NR6A1: variants seen among roughly 807,000 people sequenced by gnomAD.
NR6A1 encodes retinoic acid receptor-related testis-associated receptor.
In NR6A1, 7 loss-of-function variants were observed where a neutral mutation model predicts 59.1. That is an observed-to-expected ratio of 0.12 (90% CI 0.07 to 0.22). The LOEUF is 0.22. Ranked by LOEUF, NR6A1 falls within the 10% of genes least tolerant of loss-of-function variation. The probability of loss-of-function intolerance (pLI) is 1.00; values close to 1 mark genes in which losing one functional copy is unlikely to be tolerated. For synonymous variants in NR6A1, 243 were observed against 236.1 expected (o/e 1.03, Z -0.27); for missense variants, 468 against 611.6 (o/e 0.77, Z 2.48).
intron 2 of NR6A1, among the ~76,000 whole-genome samples, chr9:124,563,209 T>G (rs1318448034): frequency 2.0e-5 from 3 of 152,212 alleles, no homozygotes; most frequent in Admixed American, 2.0e-4. Flanking sequence ...CACAGCATCA[T>G]GTTTGGAAAA....
chr9:124,690,995 T>C (rs945991097), intron 2 of NR6A1, among the ~76,000 whole-genome samples: 9 of 152,218 alleles, frequency 5.9e-5, no homozygotes, highest in Admixed American at 5.2e-4. Context: ...AGGAATAATA[T>C]TTTGTAAGCA....
intron 2 of NR6A1, chr9:124,595,679 A>C: frequency 1.4e-6 from 1 of 733,340 alleles, no homozygotes; most frequent in Non-Finnish European, 2.1e-6. Context: ...CTTCTCCCTC[A>C]AGGCTATTTG....
chr9:124,542,837 C>T (rs1399413873), intron 4 of NR6A1, among the ~76,000 whole-genome samples: 15 of 152,182 alleles, frequency 9.9e-5, no homozygotes, highest in Admixed American at 9.8e-4. Flanking sequence ...GGATTACAGG[C>T]GTGTGCCACT....
chr9:124,564,341 C>A (rs1564180955), intron 2 of NR6A1, among the ~76,000 whole-genome samples: 1 of 152,108 alleles, frequency 6.6e-6, no homozygotes, highest in Non-Finnish European at 1.5e-5. Flanking sequence ...CAGTACTCTA[C>A]CTTTATTCAA....
chr9:124,663,196 T>C (rs149182650), intron 2 of NR6A1, among the ~76,000 whole-genome samples: 1 of 152,194 alleles, frequency 6.6e-6, no homozygotes, highest in Admixed American at 6.5e-5. Context: ...CAAGACCGAG[T>C]GCAACAAATG....
At chr9:124,674,364 C>T (rs1474104328) in intron 2 of NR6A1, among the ~76,000 whole-genome samples, 2 of 152,184 alleles carry the variant, frequency 1.3e-5, no homozygotes, top group African/African-American at 4.8e-5. Context: ...GCAATTAACG[C>T]TATGAAGCTG....
chr9:124,639,433 G>A (rs1324868524), intron 2 of NR6A1, among the ~76,000 whole-genome samples: 2 of 152,164 alleles, frequency 1.3e-5, no homozygotes, highest in African/African-American at 2.4e-5. Context: ...ACAGCATCCC[G>A]ATTTTACAAA....
intron 5 of NR6A1, 38 bp downstream of exon 5, chr9:124,539,995 T>G (rs778689627): frequency 6.4e-7 from 1 of 1,561,658 alleles, no homozygotes; most frequent in Non-Finnish European, 8.7e-7. Context: ...TGGTGGGGGA[T>G]CCCTAGATGA....
rs192190131 is a variant in NR6A1 at position 124,547,683 on chromosome 9, C to T, written c.386-3826G>A. On this transcript the variant is annotated intron_variant, in intron 3 of 9. Coordinates refer to ENST00000487099, the MANE Select transcript of NR6A1 (RefSeq NM_033334.4). ...CAACATCATTTCTATGGCATTCTTG[C>T]GAAAAATGCATAACCTGCATGTATT... Among the ~76,000 whole-genome samples, 12 of 152,082 alleles carry T rather than the reference C, an allele frequency of 7.9e-5. No individual in the cohort carries two copies. The East Asian group carries it at 1.7e-3, about 22-fold the overall frequency.
chr9:124,573,450 C>G (rs965397183), intron 2 of NR6A1, among the ~76,000 whole-genome samples: 1 of 152,222 alleles, frequency 6.6e-6, no homozygotes, highest in African/African-American at 2.4e-5. Context: ...TTTCTGCCTA[C>G]TAGACCTAAC....
At chr9:124,539,526 T>C (rs543896411) in intron 5 of NR6A1, among the ~76,000 whole-genome samples, 41 of 152,344 alleles carry the variant, frequency 2.7e-4, no homozygotes, top group African/African-American at 7.9e-4. Context: ...GAAGGATCTA[T>C]TTCACACTCG....
At chr9:124,532,722 C>T (rs1211722746) in intron 7 of NR6A1, among the ~76,000 whole-genome samples, 1 of 152,230 alleles carries the variant, frequency 6.6e-6, no homozygotes, top group Non-Finnish European at 1.5e-5. Flanking sequence ...GTTCTAAAGA[C>T]AGCAACGCTC....
chr9:124,546,264 A>G (rs1449444720), intron 3 of NR6A1, among the ~76,000 whole-genome samples: 1 of 152,234 alleles, frequency 6.6e-6, no homozygotes, highest in Non-Finnish European at 1.5e-5. Context: ...AGATGGATCT[A>G]AGGCTCACAG....
At chr9:124,646,263 T>C (rs1836925156) in intron 2 of NR6A1, among the ~76,000 whole-genome samples, 1 of 151,684 alleles carries the variant, frequency 6.6e-6, no homozygotes, top group Non-Finnish European at 1.5e-5. Context: ...CAGAAATCGA[T>C]GAAATTAAGA....
At chr9:124,742,119 TG>T (rs1840187214) in intron 1 of NR6A1, among the ~76,000 whole-genome samples, 3 of 152,210 alleles carry the variant, frequency 2.0e-5, no homozygotes, top group African/African-American at 4.8e-5. Context: ...CTGTCATACA[TG>T]AAGAGTTTTT....
rs1174594913 is a variant in NR6A1 at position 124,647,719 on chromosome 9, C to T, written c.142+85589G>A. 7.3e-5 allele frequency among the ~76,000 whole-genome samples: 9 copies of T among 122,608 alleles called. No individual in the cohort carries two copies. The South Asian group carries it at 1.6e-3, about 22-fold the overall frequency. 80.4% of individuals were successfully genotyped at this position (122,608 alleles called of 152,430 possible). ...TCCAGCCTGGGCAACAGAGTGAGAC[C>T]GTCTCAAAAAAAAAAAAAAAAAGAA... is the stretch of plus-strand genomic sequence containing the variant. On this transcript the variant is annotated intron_variant, in intron 2 of 9. Coordinates refer to ENST00000487099, the MANE Select transcript of NR6A1 (RefSeq NM_033334.4).
At chr9:124,716,660 C>T (rs560890257) in intron 2 of NR6A1, among the ~76,000 whole-genome samples, 274 of 152,242 alleles carry the variant, frequency 1.8e-3, no homozygotes, top group African/African-American at 6.1e-3. Context: ...GAGACCAAGT[C>T]CCGTTCTGTC....
chr9:124,553,412 A>G (rs530380695), intron 3 of NR6A1, among the ~76,000 whole-genome samples: 41 of 151,956 alleles, frequency 2.7e-4, no homozygotes, highest in Non-Finnish European at 5.1e-4. Flanking sequence ...TATATAACCA[A>G]CTTCCTTGGT....
At chr9:124,532,932 A>G (rs1313118218) in intron 7 of NR6A1, among the ~76,000 whole-genome samples, 1 of 152,226 alleles carries the variant, frequency 6.6e-6, no homozygotes, top group Non-Finnish European at 1.5e-5. Context: ...TTGATGAGAA[A>G]AATTCCTACC....
Sources: allele counts gnomAD v4.1 joint callset (sites outside exome capture counted in the v4.1 genomes callset), GRCh38; gene constraint gnomAD v4.1.1; transcripts MANE v1.5; gene names NCBI Gene and HGNC (gene_info 2026-07-23, HGNC 2026-07-21).